The following AGBL1 variants were observed in gnomAD, a reference collection of about 807,000 sequenced individuals.
The protein encoded by AGBL1 is cytosolic carboxypeptidase 4.
In AGBL1, 130 loss-of-function variants were observed where a neutral mutation model predicts 118.9. That is an observed-to-expected ratio of 1.09 (90% CI 0.95 to 1.26). The LOEUF (loss-of-function observed/expected upper bound fraction) is 1.26. Ranked by LOEUF, AGBL1 falls within the 50% of genes most tolerant of loss-of-function variation. AGBL1 has a pLI of 0.00. For synonymous variants in AGBL1, 555 were observed against 478.9 expected, an observed-to-expected ratio of 1.16 and a Z score of -2.08; for missense variants, 1,584 against 1,298.1, an observed-to-expected ratio of 1.22 and a Z score of -3.38.
intron 15 of AGBL1, among the ~76,000 whole-genome samples, chr15:86,277,995 A>G (rs1031375325): frequency 4.6e-5 from 7 of 152,364 alleles, no homozygotes; most frequent in Non-Finnish European, 4.4e-5. Context: ...AACTGAGTGT[A>G]TGTTTGCACG....
chr15:86,842,334 G>A (rs2079257310), intron 22 of AGBL1, among the ~76,000 whole-genome samples: 1 of 152,068 alleles, frequency 6.6e-6, no homozygotes, highest in Admixed American at 6.5e-5. Context: ...ACTGGACTCT[G>A]AGCTCCTCAG....
chr15:86,334,660 A>T (rs2080330794), intron 17 of AGBL1, among the ~76,000 whole-genome samples: 1 of 151,700 alleles, frequency 6.6e-6, no homozygotes, highest in Non-Finnish European at 1.5e-5. Flanking sequence ...AAAAAAAACT[A>T]TTCTAAAATT....
intron 21 of AGBL1, among the ~76,000 whole-genome samples, chr15:86,661,200 C>T (rs1032020880): frequency 3.9e-5 from 6 of 152,198 alleles, no homozygotes; most frequent in South Asian, 2.1e-4. Flanking sequence ...TTCCTTAATA[C>T]GCATAAGATC....
chr15:86,717,431 A>G (rs1381194303), intron 22 of AGBL1, among the ~76,000 whole-genome samples: 1 of 152,166 alleles, frequency 6.6e-6, no homozygotes, highest in Non-Finnish European at 1.5e-5. Flanking sequence ...CCCATTATCC[A>G]ACAAGGAAGG....
downstream of AGBL1, among the ~76,000 whole-genome samples, chr15:86,917,219 C>T (rs1239497173): frequency 6.6e-6 from 1 of 152,126 alleles, no homozygotes; most frequent in Non-Finnish European, 1.5e-5. This position sits in a 1 kb window ranked among gnomAD's most constrained non-coding sequence, Gnocchi z 4.8. Flanking sequence ...CCCCACTGTG[C>T]AGTTGGTCCA....
intron 23 of AGBL1, among the ~76,000 whole-genome samples, chr15:86,960,668 A>T (rs2080983932): frequency 6.6e-6 from 1 of 151,876 alleles, no homozygotes; most frequent in South Asian, 2.1e-4. Flanking sequence ...AGATATCTGC[A>T]CCCCCATGTA....
intron 17 of AGBL1, among the ~76,000 whole-genome samples, chr15:86,384,807 G>A (rs932736031): frequency 7.9e-5 from 12 of 152,144 alleles, no homozygotes; most frequent in Non-Finnish European, 1.8e-4. Context: ...ATAAGAAGGC[G>A]AGATTACCCT....
intron 17 of AGBL1, among the ~76,000 whole-genome samples, chr15:86,380,429 C>T (rs531419824): frequency 9.2e-5 from 14 of 151,944 alleles, no homozygotes; most frequent in African/African-American, 2.2e-4. Context: ...GGATTACAGG[C>T]GTGCGCCACC....
chr15:86,851,344 C>A (rs2079404293), intron 22 of AGBL1, among the ~76,000 whole-genome samples: 1 of 152,156 alleles, frequency 6.6e-6, no homozygotes, highest in South Asian at 2.1e-4. Flanking sequence ...CTGGCTCACT[C>A]TGCCCACCTA....
rs1297464482 is a variant in AGBL1 at position 86,236,932 on chromosome 15, CGGGGGGGGGCGGGGGGGG to C, written c.527-10737_527-10720del. Reference sequence around the variant, plus strand: ...TTCCACACACACGGGGATATGTGGGCGGGGGGGGGCGGGGGGGGGCGGGGGGGCGCCAAGTTGCCAGGC... The same window carrying C: ...TTCCACACACACGGGGATATGTGGGCGCGGGGGGGCGCCAAGTTGCCAGGC... On this transcript the variant is annotated intron_variant, in intron 6 of 22. Transcript: ENST00000614907. Among the ~76,000 whole-genome samples, 27 of 9,372 alleles carry C rather than the reference CGGGGGGGGGCGGGGGGGG, an allele frequency of 2.9e-3. 2 individuals carry two copies. Among genetic ancestry groups the C allele is most frequent in the African/African-American group, 0.011 (24 of 2,258 alleles). The allele number at this position is 9,372 out of a possible 152,430, so 6.1% of individuals were successfully genotyped here. A position where few individuals can be genotyped will look rare whatever the true frequency, so the allele number is the denominator to read the frequency against.
At chr15:86,702,415 T>C (rs1204730748) in intron 22 of AGBL1, among the ~76,000 whole-genome samples, 7 of 152,122 alleles carry the variant, frequency 4.6e-5, no homozygotes, top group Admixed American at 4.6e-4. Context: ...GTTCTAGATA[T>C]ATAGTAGGTG....
At chr15:86,270,899 G>C (rs1196051042) in intron 14 of AGBL1, among the ~76,000 whole-genome samples, 2 of 152,128 alleles carry the variant, frequency 1.3e-5, no homozygotes, top group African/African-American at 4.8e-5. Flanking sequence ...TTTCCTCTGA[G>C]GATTCCAGGG....
chr15:86,711,718 A>G (rs1313239818), intron 22 of AGBL1, among the ~76,000 whole-genome samples: 1 of 152,196 alleles, frequency 6.6e-6, no homozygotes, highest in African/African-American at 2.4e-5. Context: ...AAAGACAGTC[A>G]TGCTTATTCA....
chr15:86,801,204 T>C (rs1259623673), intron 22 of AGBL1, among the ~76,000 whole-genome samples: 1 of 152,070 alleles, frequency 6.6e-6, no homozygotes, highest in Non-Finnish European at 1.5e-5. Context: ...TTTAAGTTTT[T>C]CTTCTGAATT....
chr15:86,672,348 G>T (rs1156609709), intron 21 of AGBL1, among the ~76,000 whole-genome samples: 2 of 152,174 alleles, frequency 1.3e-5, no homozygotes, highest in Non-Finnish European at 2.9e-5. Flanking sequence ...AGCTGTTATT[G>T]TATAGAAGTT....
intron 18 of AGBL1, among the ~76,000 whole-genome samples, chr15:86,514,856 A>T (rs2083099685): frequency 6.6e-6 from 1 of 152,146 alleles, no homozygotes. Context: ...ATGCTATTTT[A>T]TCCCTTAACT....
chr15:86,681,177 C>G (rs923556557), intron 22 of AGBL1, among the ~76,000 whole-genome samples: 1 of 152,030 alleles, frequency 6.6e-6, no homozygotes. Flanking sequence ...CCTCCTTGCC[C>G]CAATTCATCA....
chr15:86,594,380 T>G (rs1166460177), intron 21 of AGBL1, among the ~76,000 whole-genome samples: 1 of 152,250 alleles, frequency 6.6e-6, no homozygotes, highest in African/African-American at 2.4e-5. Context: ...AACATCTTTG[T>G]CAGGTTGTGC....
chr15:86,456,577 T>A (rs1286335263), intron 18 of AGBL1, among the ~76,000 whole-genome samples: 2 of 152,194 alleles, frequency 1.3e-5, no homozygotes, highest in African/African-American at 4.8e-5. Flanking sequence ...ACTCTTCAGG[T>A]TGACAGGCAT....
Sources: allele counts gnomAD v4.1 joint callset (sites outside exome capture counted in the v4.1 genomes callset), GRCh38; gene constraint gnomAD v4.1.1; non-coding constraint Gnocchi (gnomAD v3.1); transcripts MANE v1.5; gene names NCBI Gene and HGNC (gene_info 2026-07-23, HGNC 2026-07-21).